The following RBFOX1 variants were observed in gnomAD, a reference collection of about 807,000 sequenced individuals.
The protein encoded by RBFOX1 is RNA binding protein fox-1 homolog 1.
Under a neutral mutation model 57.7 loss-of-function variants are expected in RBFOX1, and 8 were observed. The observed-to-expected ratio is 0.14, with a 90% CI of 0.08 to 0.25. RBFOX1 has a LOEUF of 0.25. Among genes scored for constraint, RBFOX1 ranks in the 10% least tolerant of loss-of-function variants. RBFOX1 has a pLI of 1.00. For synonymous variants in RBFOX1, 326 were observed against 222.4 expected (o/e 1.47, Z -4.15); for missense variants, 611 against 548.5 (o/e 1.11, Z -1.14).
At chr16:7,162,093 G>A (rs183797384) in intron 4 of RBFOX1, among the ~76,000 whole-genome samples, 2 of 152,176 alleles carry the variant, frequency 1.3e-5, no homozygotes, top group African/African-American at 2.4e-5. Flanking sequence ...AAGGGAGTTG[G>A]TGTCTTGCCA....
chr16:6,789,946 T>A (rs1420624137), intron 3 of RBFOX1, among the ~76,000 whole-genome samples: 1 of 151,742 alleles, frequency 6.6e-6, no homozygotes, highest in Non-Finnish European at 1.5e-5. Context: ...CTTCCCTAAC[T>A]TATTGATTTC....
chr16:6,894,011 A>C (rs1010155791), intron 3 of RBFOX1, among the ~76,000 whole-genome samples: 3 of 152,178 alleles, frequency 2.0e-5, no homozygotes, highest in African/African-American at 7.2e-5. Flanking sequence ...ATGTCTTCTA[A>C]TATCCCAAAG....
chr16:7,583,971 G>A (rs897496101), intron 6 of RBFOX1, among the ~76,000 whole-genome samples: 3 of 152,158 alleles, frequency 2.0e-5, no homozygotes, highest in Non-Finnish European at 4.4e-5. Context: ...TTTTAGTCAC[G>A]AGACGGGCTT....
intron 2 of RBFOX1, among the ~76,000 whole-genome samples, chr16:6,428,723 C>A (rs888775134): frequency 1.3e-5 from 2 of 152,078 alleles, no homozygotes; most frequent in East Asian, 1.9e-4. Context: ...CACTGGGCTA[C>A]GTAAACAAAA....
chr16:5,552,690 G>T (rs1047965393), intron 2 of RBFOX1, among the ~76,000 whole-genome samples: 1 of 152,172 alleles, frequency 6.6e-6, no homozygotes. Context: ...TATTCTGCCA[G>T]CCTTCCCTCT....
At chr16:5,368,592 G>T (rs924762135) in intron 1 of RBFOX1, among the ~76,000 whole-genome samples, 3 of 152,184 alleles carry the variant, frequency 2.0e-5, no homozygotes, top group African/African-American at 7.2e-5. Context: ...TTAACAAGCT[G>T]CACTACACGG....
At chr16:6,228,312 G>C (rs1309224078) in intron 1 of RBFOX1, among the ~76,000 whole-genome samples, 1 of 151,952 alleles carries the variant, frequency 6.6e-6, no homozygotes, top group Non-Finnish European at 1.5e-5. Context: ...GGCAGAATGA[G>C]ACTCCTTGTC....
chr16:5,547,364 T>C (rs984665969), intron 2 of RBFOX1, among the ~76,000 whole-genome samples: 1 of 152,216 alleles, frequency 6.6e-6, no homozygotes. Flanking sequence ...AAATGTCTAT[T>C]ATCAGGTGAA....
intron 4 of RBFOX1, among the ~76,000 whole-genome samples, chr16:7,133,781 GAA>G (rs1048489508): frequency 6.6e-6 from 1 of 150,654 alleles, no homozygotes. Flanking sequence ...GATCTGCCAT[GAA>G]AAAAAAAGAA....
chr16:6,919,065 C>G (rs1279805523), intron 3 of RBFOX1, among the ~76,000 whole-genome samples: 2 of 152,184 alleles, frequency 1.3e-5, no homozygotes, highest in Non-Finnish European at 2.9e-5. Context: ...ACTGCAACCT[C>G]CGTTCTTGGG....
intron 4 of RBFOX1, among the ~76,000 whole-genome samples, chr16:7,381,217 G>C (rs996791379): frequency 5.3e-5 from 8 of 152,210 alleles, no homozygotes; most frequent in Non-Finnish European, 8.8e-5. Context: ...CAAAGGGATT[G>C]AGGCCGTGTC....
intron 3 of RBFOX1, among the ~76,000 whole-genome samples, chr16:6,921,717 G>A (rs1040913440): frequency 1.2e-4 from 18 of 150,746 alleles, no homozygotes; most frequent in Admixed American, 2.6e-4. Context: ...AAGTTATACC[G>A]TGATAATGTT....
chr16:7,363,605 A>G (rs1018633041), intron 4 of RBFOX1, among the ~76,000 whole-genome samples: 3 of 152,114 alleles, frequency 2.0e-5, no homozygotes, highest in African/African-American at 7.2e-5. Flanking sequence ...GCAGCTGGGG[A>G]AAGGTCATCA....
chr16:7,254,569 T>A (rs774068102), intron 4 of RBFOX1, among the ~76,000 whole-genome samples: 1 of 152,124 alleles, frequency 6.6e-6, no homozygotes, highest in East Asian at 1.9e-4. Flanking sequence ...AACTCATCAT[T>A]GTGTTCCAAA....
At chr16:6,750,856 G>A (rs2074797761) in intron 3 of RBFOX1, among the ~76,000 whole-genome samples, 1 of 152,174 alleles carries the variant, frequency 6.6e-6, no homozygotes, top group African/African-American at 2.4e-5. Flanking sequence ...GATGAAACCA[G>A]GAAGCTGAAA....
chr16:5,809,896 T>A (rs1160063422), intron 3 of RBFOX1, among the ~76,000 whole-genome samples: 1 of 151,978 alleles, frequency 6.6e-6, no homozygotes, highest in East Asian at 1.9e-4. Context: ...TGCGGCACTA[T>A]CCACAATAGC....
At chr16:6,562,608 T>C (rs181686220) in intron 2 of RBFOX1, among the ~76,000 whole-genome samples, 92 of 152,326 alleles carry the variant, frequency 6.0e-4, no homozygotes, top group African/African-American at 2.1e-3. Flanking sequence ...TGCAAGTTTC[T>C]AAACATCTTG....
chr16:5,559,063 G>T (rs1228780782), intron 2 of RBFOX1, among the ~76,000 whole-genome samples: 1 of 151,676 alleles, frequency 6.6e-6, no homozygotes, highest in Middle Eastern at 3.4e-3. Context: ...GGGCTGGGGG[G>T]GTTTGCCTGA....
intron 1 of RBFOX1, among the ~76,000 whole-genome samples, chr16:6,124,336 A>G (rs576709226): frequency 9.2e-5 from 14 of 152,030 alleles, no homozygotes; most frequent in East Asian, 1.9e-4. Context: ...GAAAGTTTTC[A>G]CTCTGTCTCA....
Sources: allele counts gnomAD v4.1 joint callset (sites outside exome capture counted in the v4.1 genomes callset), GRCh38; gene constraint gnomAD v4.1.1; transcripts MANE v1.5; gene names NCBI Gene and HGNC (gene_info 2026-07-23, HGNC 2026-07-21).